Variants in CALM3 observed in about 807,000 individuals in gnomAD.
CALM3 encodes calmodulin-3.
CALM3 carries 5 observed loss-of-function variants against 20.1 expected under a neutral mutation model. The observed-to-expected ratio is 0.25, with a 90% confidence interval of 0.13 to 0.52. CALM3 has a LOEUF of 0.52. Among genes scored for constraint, CALM3 ranks in the 20% least tolerant of loss-of-function variants. CALM3 has a pLI of 0.96. For missense variants in CALM3, 57 were observed against 192.8 expected (o/e 0.30, Z 4.17); for synonymous variants, 69 against 68.1 (o/e 1.01, Z -0.06).
At chr19:46,601,074 G>A (rs1208083924), upstream of CALM3, 12 of 1,238,122 alleles carry the variant, frequency 9.7e-6, no homozygotes, top group South Asian at 1.4e-5. This position sits in a 1 kb window ranked among gnomAD's most constrained non-coding sequence, Gnocchi z 4.2. Flanking sequence ...GGCGGGGCGC[G>A]CGGCGAGGGA....
chr19:46,604,563 T>TC (rs1555813644), intron 1 of CALM3, among the ~76,000 whole-genome samples: 16 of 151,142 alleles, frequency 1.1e-4, no homozygotes, highest in South Asian at 2.1e-4. Flanking sequence ...TTTTTTTTTT[T>TC]CTAACTTTTT....
At chr19:46,606,829 CA>C (rs1008713244) in intron 2 of CALM3, among the ~76,000 whole-genome samples, 7 of 152,176 alleles carry the variant, frequency 4.6e-5, no homozygotes, top group African/African-American at 1.7e-4. Flanking sequence ...TCTCCATAGC[CA>C]GGGGCCAGCA....
Position 46,601,390 on chromosome 19 carries a change from C to T in CALM3, c.-45C>T. 1.3e-6 allele frequency: 2 copies of T among 1,504,052 alleles called. No individual in the cohort carries two copies. Among genetic ancestry groups the T allele is most frequent in the South Asian group, 1.2e-5 (1 of 81,622 alleles). 93.2% of individuals were successfully genotyped at this position (1,504,052 alleles called of 1,614,324 possible). A position where few individuals can be genotyped will look rare whatever the true frequency, so the allele number is the denominator to read the frequency against. The stretch of plus-strand genomic sequence containing the variant: ...GAACTGCTGCAGCTGCTGCCGCCGC[C>T]GGAGGAACCTTGATCCCCGTGCTCC... On this transcript the variant is annotated 5_prime_UTR_variant, in exon 1 of 6. Coordinates refer to ENST00000291295, the MANE Select transcript of CALM3 (RefSeq NM_005184.4). This position sits in a 1 kb window ranked among gnomAD's most constrained non-coding sequence, Gnocchi z 4.2.
At chr19:46,602,110 G>A (rs1971634730) in intron 1 of CALM3, 3 of 1,316,318 alleles carry the variant, frequency 2.3e-6, no homozygotes, top group Admixed American at 4.5e-5. Context: ...AAGCTTATGG[G>A]AGGAAGAGCC....
At chr19:46,606,241 C>T (rs141990654) in intron 2 of CALM3, 127 of 204,318 alleles carry the variant, frequency 6.2e-4, no homozygotes, top group African/African-American at 2.1e-3. Flanking sequence ...CTTTAGGAGC[C>T]GCCCAGGAGC....
In CALM3 at chr19:46,609,315, T is replaced by A. The variant is rs1971819836; in HGVS notation, c.*162T>A. 9 of 701,810 alleles carry A rather than the reference T, an allele frequency of 1.3e-5. No homozygotes were observed. Among genetic ancestry groups the A allele is most frequent in the Non-Finnish European group, 2.2e-5 (9 of 401,860 alleles). The allele number at this position is 701,810 out of a possible 1,614,324, so 43.5% of individuals were successfully genotyped here. On this transcript the variant is annotated 3_prime_UTR_variant, in exon 6 of 6. Coordinates refer to ENST00000291295, the MANE Select transcript of CALM3 (RefSeq NM_005184.4). ...AAAAGATTTGTCCCAAGCTGCATGA[T>A]TGCTCTTTCTCCTTCTTCCCTGAGT...
Position 46,608,222 on chromosome 19 carries a change from T to C in CALM3, c.60T>C (p.Phe20=). ...IAEFKEAFSL[F]DKDGDGTITT... ...AGTTCAAGGAGGCCTTCTCCCTCTTTGACAAGGATGGAGATGGCACTATCA... is the reference window on the plus strand; with the variant it reads ...AGTTCAAGGAGGCCTTCTCCCTCTTCGACAAGGATGGAGATGGCACTATCA... The change falls in exon 3 of 6, where the codon TTT becomes TTC. Residue 20 remains phenylalanine, a synonymous_variant. Coordinates refer to ENST00000291295, the MANE Select transcript of CALM3 (RefSeq NM_005184.4). The surrounding 1 kb of genome is among the most constrained non-coding windows in gnomAD (Gnocchi z 5.5). 6.2e-7 allele frequency: 1 copy of C among 1,614,032 alleles called. No homozygotes were observed. Among genetic ancestry groups the C allele is most frequent in the East Asian group, 2.2e-5 (1 of 44,880 alleles).
rs187698430 is a variant in CALM3 at position 46,609,514 on chromosome 19, C to A, written c.*361C>A. ...TGGTTTGTTTCCTCTTGTTTGTCAT[C>A]TTATTTTGGGTGCTGGGGTGGCTGC... On this transcript the variant is annotated 3_prime_UTR_variant, in exon 6 of 6. Coordinates refer to ENST00000291295, the MANE Select transcript of CALM3 (RefSeq NM_005184.4). 1.4e-3 allele frequency: 431 copies of A among 313,806 alleles called. No homozygotes were observed. Among genetic ancestry groups the A allele is most frequent in the Non-Finnish European group, 2.1e-3 (346 of 167,422 alleles). The allele number at this position is 313,806 out of a possible 1,614,324, so 19.4% of individuals were successfully genotyped here. A position where few individuals can be genotyped will look rare whatever the true frequency, so the allele number is the denominator to read the frequency against.
At chr19:46,604,425 C>T (rs1453248727) in intron 1 of CALM3, among the ~76,000 whole-genome samples, 1 of 152,090 alleles carries the variant, frequency 6.6e-6, no homozygotes, top group Non-Finnish European at 1.5e-5. Flanking sequence ...CCAGAATGTG[C>T]ATGTGTGCCG....
In CALM3 at chr19:46,610,751, A is replaced by G. The variant is rs1163885647; in HGVS notation, c.*1598A>G. The G allele has an allele frequency of 6.6e-6, 1 of 152,362 alleles. No individual in the cohort carries two copies. Among genetic ancestry groups the G allele is most frequent in the Non-Finnish European group, 1.5e-5 (1 of 67,994 alleles). 9.4% of individuals were successfully genotyped at this position (152,362 alleles called of 1,614,324 possible). ...AAGCTGTGAAGAAAAATATATATCA[A>G]TGTTTTCCAATAAAATACAGTGACT... On this transcript the variant is annotated 3_prime_UTR_variant, in exon 6 of 6. Transcript: ENST00000291295.
upstream of CALM3, chr19:46,601,283 G>A (rs1018729143): frequency 1.7e-6 from 1 of 600,198 alleles, no homozygotes; most frequent in Non-Finnish European, 2.3e-6. The surrounding 1 kb of genome is among the most constrained non-coding windows in gnomAD (Gnocchi z 4.2). Context: ...GCCGTTGAGG[G>A]ACCGTTGGGG....
Position 46,608,619 on chromosome 19 carries a change from G to A in CALM3, c.285+31G>A. 1 of 1,548,622 alleles carries A rather than the reference G, an allele frequency of 6.5e-7. No individual in the cohort carries two copies. The highest frequency in any genetic ancestry group is 8.9e-7 in the Non-Finnish European group (1 of 1,121,216). On this transcript the variant is annotated intron_variant, in intron 4 of 5. Transcript: ENST00000291295. The surrounding 1 kb of genome is among the most constrained non-coding windows in gnomAD (Gnocchi z 5.5). Reference sequence around the variant, plus strand: ...CAGCCCTCTCCAGGGGCGGCTCTGAGACTGACGCCAGCCTTCAGGCAGACA... The same window carrying A: ...CAGCCCTCTCCAGGGGCGGCTCTGAAACTGACGCCAGCCTTCAGGCAGACA...
In CALM3 at chr19:46,608,170, T is replaced by A; in HGVS notation, c.35-27T>A. 1.2e-6 allele frequency: 2 copies of A among 1,608,252 alleles called. No individual in the cohort carries two copies. The highest frequency in any genetic ancestry group is 1.7e-6 in the Non-Finnish European group (2 of 1,177,440). On this transcript the variant is annotated intron_variant, in intron 2 of 5. Transcript: ENST00000291295. This position sits in a 1 kb window ranked among gnomAD's most constrained non-coding sequence, Gnocchi z 5.5. ...GGATTCTCCTGTGGACCTTGTGACC[T>A]CTGACTCCTCCCCCTTCTTCCCCCA...
chr19:46,606,168 G>A (rs563585747), intron 2 of CALM3: 37 of 318,830 alleles, frequency 1.2e-4, no homozygotes, highest in African/African-American at 7.9e-4. Context: ...CCCAGCTTCA[G>A]CCAGGTTGGC....
intron 1 of CALM3, among the ~76,000 whole-genome samples, chr19:46,603,681 A>C (rs1337910251): frequency 6.6e-6 from 1 of 152,234 alleles, no homozygotes; most frequent in Non-Finnish European, 1.5e-5. Flanking sequence ...AGCAAGGATC[A>C]ATGATATCTT....
At chr19:46,602,076 C>T in intron 1 of CALM3, 1 of 1,299,894 alleles carries the variant, frequency 7.7e-7, no homozygotes, top group Non-Finnish European at 1.0e-6. Flanking sequence ...CCCAGCACTG[C>T]AGAGGAGGAG....
chr19:46,601,560 C>T lies in CALM3; in HGVS notation c.3+123C>T. 6.5e-6 allele frequency: 6 copies of T among 924,428 alleles called. No homozygotes were observed. Among genetic ancestry groups the T allele is most frequent in the East Asian group, 6.7e-5 (2 of 29,826 alleles). The allele number at this position is 924,428 out of a possible 1,614,324, so 57.3% of individuals were successfully genotyped here. ...TCCGGGCCCGGCGAGAGCCTCGGGA[C>T]CCTTTTCTACCCGCGTTGTCGGGGG... On this transcript the variant is annotated intron_variant, in intron 1 of 5. Transcript: ENST00000291295. The surrounding 1 kb of genome is among the most constrained non-coding windows in gnomAD (Gnocchi z 4.2).
chr19:46,602,019 T>G, intron 1 of CALM3: 1 of 993,930 alleles, frequency 1.0e-6, no homozygotes, highest in Non-Finnish European at 1.3e-6. Context: ...CTTCTACAGA[T>G]GAGACTCCCG....
At chr19:46,604,919 C>T (rs527274040) in intron 1 of CALM3, among the ~76,000 whole-genome samples, 3 of 152,026 alleles carry the variant, frequency 2.0e-5, no homozygotes, top group African/African-American at 7.2e-5. Flanking sequence ...CATAGGATCA[C>T]TATGCCTGGC....
Sources: gnomAD v4.1 joint callset for allele counts (sites outside exome capture counted in the v4.1 genomes callset) on GRCh38, gnomAD v4.1.1 for gene constraint, Gnocchi (gnomAD v3.1) non-coding constraint, MANE v1.5 for transcripts, NCBI Gene and HGNC (gene_info 2026-07-23, HGNC 2026-07-21) for gene names.